The following GALNT17 variants were observed in gnomAD, a reference collection of about 807,000 sequenced individuals.
The protein encoded by GALNT17 is polypeptide N-acetylgalactosaminyltransferase 17, also known as UDP-GalNAc:polypeptide N-acetylgalactosaminyltransferase-like 3.
In GALNT17, 29 loss-of-function variants were observed where a neutral mutation model predicts 63.7. The observed-to-expected ratio is 0.46, with a 90% CI of 0.34 to 0.62. GALNT17 has a LOEUF of 0.62. Ranked by LOEUF, GALNT17 falls within the 20% of genes least tolerant of loss-of-function variation. The pLI, the probability that GALNT17 is intolerant of heterozygous loss-of-function variation, is 0.01. For missense variants in GALNT17, 603 were observed against 799.6 expected (o/e 0.75, Z 2.97); for synonymous variants, 305 against 318.3 (o/e 0.96, Z 0.45).
intron 5 of GALNT17, among the ~76,000 whole-genome samples, chr7:71,495,483 G>C (rs142271251): frequency 6.6e-6 from 1 of 152,080 alleles, no homozygotes; most frequent in African/African-American, 2.4e-5. Flanking sequence ...AAATAACCTC[G>C]GTGGGGAGGC....
intron 1 of GALNT17, among the ~76,000 whole-genome samples, chr7:71,171,524 A>G (rs1476235996): frequency 6.6e-6 from 1 of 152,214 alleles, no homozygotes; most frequent in Non-Finnish European, 1.5e-5. Context: ...AAAACAAAAG[A>G]AGAATATGAA....
At chr7:71,153,055 C>T (rs1342320920) in intron 1 of GALNT17, among the ~76,000 whole-genome samples, 1 of 152,144 alleles carries the variant, frequency 6.6e-6, no homozygotes, top group East Asian at 1.9e-4. Context: ...CAGCCCTGGC[C>T]CTGCCAGCAA....
chr7:71,671,091 T>C (rs977400380), intron 8 of GALNT17, among the ~76,000 whole-genome samples: 1 of 140,220 alleles, frequency 7.1e-6, no homozygotes, highest in African/African-American at 3.0e-5. Context: ...CCACTTTTTG[T>C]GTAAGCTGGG....
Position 71,711,028 on chromosome 7 carries a change from G to A in GALNT17, c.1668+100G>A, listed in dbSNP as rs577708192. 3.9e-4 allele frequency: 575 copies of A among 1,456,346 alleles called. 2 individuals carry two copies. In the South Asian group the frequency reaches 5.5e-3, roughly 14 times the overall value. 90.2% of individuals were successfully genotyped at this position (1,456,346 alleles called of 1,614,324 possible). A position where few individuals can be genotyped will look rare whatever the true frequency, so the allele number is the denominator to read the frequency against. On this transcript the variant is annotated intron_variant, in intron 10 of 10. Transcript: ENST00000333538. ...TCCCCAGGGGTCCCCAGCAAAGAGC[G>A]ACCCCGAACCCAGGTCTCCCTGCCC...
intron 1 of GALNT17, among the ~76,000 whole-genome samples, chr7:71,219,213 A>G (rs1331970879): frequency 6.6e-6 from 1 of 152,184 alleles, no homozygotes; most frequent in East Asian, 1.9e-4. Context: ...CTTGAGGGTA[A>G]TTCTTCCAAG....
chr7:71,476,388 T>A (rs1787722982), intron 5 of GALNT17, among the ~76,000 whole-genome samples: 1 of 152,110 alleles, frequency 6.6e-6, no homozygotes, highest in South Asian at 2.1e-4. Flanking sequence ...GATGTGTGGT[T>A]TTCAGTGAAC....
At chr7:71,456,947 G>A (rs374487061) in intron 5 of GALNT17, among the ~76,000 whole-genome samples, 70 of 152,096 alleles carry the variant, frequency 4.6e-4, no homozygotes, top group African/African-American at 1.5e-3. Flanking sequence ...AACTCGAAGC[G>A]GGGGGTTCCA....
intron 1 of GALNT17, among the ~76,000 whole-genome samples, chr7:71,313,949 G>A (rs1192013908): frequency 6.6e-6 from 1 of 152,060 alleles, no homozygotes; most frequent in East Asian, 1.9e-4. Context: ...CATGTGAGAT[G>A]TCAGGAAAAT....
chr7:71,604,363 A>G (rs1205805154), intron 6 of GALNT17, among the ~76,000 whole-genome samples: 1 of 152,086 alleles, frequency 6.6e-6, no homozygotes, highest in Non-Finnish European at 1.5e-5. Flanking sequence ...AGTAGATACT[A>G]TGCTAAATGC....
intron 1 of GALNT17, among the ~76,000 whole-genome samples, chr7:71,268,353 G>A (rs919863353): frequency 6.7e-6 from 1 of 150,234 alleles, no homozygotes; most frequent in African/African-American, 2.5e-5. Context: ...AACAGCCTGG[G>A]CAACATGGTG....
At chr7:71,709,032 G>T (rs1276297562) in intron 9 of GALNT17, among the ~76,000 whole-genome samples, 1 of 152,198 alleles carries the variant, frequency 6.6e-6, no homozygotes, top group Non-Finnish European at 1.5e-5. Context: ...GTAAGTGCAT[G>T]TGTCTTTTTG....
intron 1 of GALNT17, among the ~76,000 whole-genome samples, chr7:71,297,187 A>G (rs894393050): frequency 2.6e-5 from 4 of 152,192 alleles, no homozygotes; most frequent in African/African-American, 7.2e-5. Context: ...GTACTGCTGC[A>G]GCCTCTATTC....
chr7:71,158,196 G>A (rs552941263), intron 1 of GALNT17, among the ~76,000 whole-genome samples: 29 of 150,088 alleles, frequency 1.9e-4, no homozygotes, highest in African/African-American at 6.2e-4. Flanking sequence ...TTATTTTTCC[G>A]AGGGACCTCC....
chr7:71,211,961 G>GA (rs1789385529), intron 1 of GALNT17, among the ~76,000 whole-genome samples: 2 of 152,210 alleles, frequency 1.3e-5, no homozygotes, highest in East Asian at 3.9e-4. Flanking sequence ...TGATAGAAAA[G>GA]AAAAAACCCA....
chr7:71,641,330 C>T (rs1450233684), intron 6 of GALNT17, among the ~76,000 whole-genome samples: 1 of 152,150 alleles, frequency 6.6e-6, no homozygotes, highest in Non-Finnish European at 1.5e-5. Flanking sequence ...ACCTTCATTT[C>T]CTCATCTGTA....
At chr7:71,229,011 G>A (rs1789734868) in intron 1 of GALNT17, among the ~76,000 whole-genome samples, 1 of 152,174 alleles carries the variant, frequency 6.6e-6, no homozygotes, top group Admixed American at 6.5e-5. Context: ...GCTGGGGCTT[G>A]GTTCTGACCC....
chr7:71,548,648 C>T (rs923198466), intron 5 of GALNT17, among the ~76,000 whole-genome samples: 46 of 152,216 alleles, frequency 3.0e-4, no homozygotes, highest in African/African-American at 1.1e-3. Context: ...CACCTTCTGC[C>T]ACGATCGTGA....
At chr7:71,609,780 T>C (rs933325713) in intron 6 of GALNT17, among the ~76,000 whole-genome samples, 29 of 152,206 alleles carry the variant, frequency 1.9e-4, no homozygotes, top group African/African-American at 6.7e-4. Flanking sequence ...GGTGTCACCA[T>C]ATAGTCAATA....
chr7:71,218,140 T>A (rs1789519838), intron 1 of GALNT17, among the ~76,000 whole-genome samples: 1 of 152,158 alleles, frequency 6.6e-6, no homozygotes, highest in Non-Finnish European at 1.5e-5. Flanking sequence ...ACTCCTGTAA[T>A]CCCAGCAGTT....
Sources: gnomAD v4.1 joint callset for allele counts (sites outside exome capture counted in the v4.1 genomes callset) on GRCh38, gnomAD v4.1.1 for gene constraint, MANE v1.5 for transcripts, NCBI Gene and HGNC (gene_info 2026-07-23, HGNC 2026-07-21) for gene names.